The following PLS1 variants were observed in gnomAD, a reference collection of about 807,000 sequenced individuals.
PLS1 encodes the protein plastin-1.
Under a neutral mutation model 73.7 loss-of-function variants are expected in PLS1, and 32 were observed. That is an observed-to-expected ratio of 0.43 (90% CI 0.33 to 0.58). PLS1 has a LOEUF of 0.58. Ranked by LOEUF, PLS1 falls within the 20% of genes least tolerant of loss-of-function variation. The pLI is 0.04. For synonymous variants in PLS1, 217 were observed against 261.3 expected (o/e 0.83, Z 1.63); for missense variants, 633 against 740.5 (o/e 0.85, Z 1.68).
At chr3:142,699,834 A>G (rs1215294910) in intron 12 of PLS1, among the ~76,000 whole-genome samples, 2 of 152,210 alleles carry the variant, frequency 1.3e-5, no homozygotes, top group East Asian at 3.8e-4. Flanking sequence ...AAGTAGTTAA[A>G]TGGGTGGTAT....
chr3:142,600,900 ATATATATATATATATATTTTT>A (rs1367577339), intron 1 of PLS1, among the ~76,000 whole-genome samples: 3 of 29,620 alleles, frequency 1.0e-4, no homozygotes, highest in Non-Finnish European at 1.7e-4. Context: ...ATATATATAT[ATATATATATATATATATTTTT>A]TTTTTTTTTT....
Position 142,711,517 on chromosome 3 carries a change from C to T in PLS1, c.1646C>T (p.Thr549Ile). 6.3e-7 allele frequency: 1 copy of T among 1,589,640 alleles called. No homozygotes were observed. The highest frequency in any genetic ancestry group is 8.6e-7 in the Non-Finnish European group (1 of 1,159,900). Reference sequence around the variant, plus strand: ...ATTTTCTAGGATAAATCTATAAGCACAAGTTTACCTGTCCTAGATTTAATA... The same window carrying T: ...ATTTTCTAGGATAAATCTATAAGCATAAGTTTACCTGTCCTAGATTTAATA... ...ISSFKDKSIS[T>I]SLPVLDLIDA... The change falls in exon 15 of 16, where the codon ACA becomes ATA. Residue 549 changes from threonine (T) to isoleucine (I), a missense_variant. By Grantham distance (89) the Thr-to-Ile change is moderately conservative (BLOSUM62 -1). Coordinates refer to ENST00000457734, the MANE Select transcript of PLS1 (RefSeq NM_001145319.2).
intron 1 of PLS1, among the ~76,000 whole-genome samples, chr3:142,641,516 GT>G (rs1000646163): frequency 6.6e-6 from 1 of 150,950 alleles, no homozygotes; most frequent in African/African-American, 2.4e-5. Context: ...ATTCCTTTTT[GT>G]TTTAATCTCT....
chr3:142,686,235 T>C (rs2037961707), intron 8 of PLS1, 49 bp from the exon 9 acceptor site: 5 of 1,079,816 alleles, frequency 4.6e-6, no homozygotes, highest in Non-Finnish European at 7.1e-6. Context: ...CTAAATTCAA[T>C]GATGATTTTA....
intron 1 of PLS1, chr3:142,645,293 T>C (rs2036930239): frequency 1.3e-5 from 2 of 152,196 alleles, no homozygotes; most frequent in Admixed American, 1.3e-4. Context: ...TGTCTTTTAA[T>C]AGGGAAGGCC....
intron 1 of PLS1, among the ~76,000 whole-genome samples, chr3:142,661,521 T>G (rs1485597324): frequency 6.6e-6 from 1 of 152,220 alleles, no homozygotes; most frequent in Non-Finnish European, 1.5e-5. Flanking sequence ...AGATCACAAA[T>G]GAGCCATACT....
rs148259933 is a variant in PLS1, at chr3:142,615,598, G to A, written c.-37+19089G>A. 3.2e-3 allele frequency among the ~76,000 whole-genome samples: 491 copies of A among 152,194 alleles called. 1 individual carries two copies. The highest frequency in any genetic ancestry group is 0.01 in the African/African-American group (431 of 41,514). On this transcript the variant is annotated intron_variant, in intron 1 of 15. Transcript: ENST00000457734. ...TGGACCAGGATTGCAGCCTGGGCCC[G>A]TGTCCAAATGGCCTTCCTAATATCC...
intron 2 of PLS1, among the ~76,000 whole-genome samples, chr3:142,666,136 A>G (rs1299504902): frequency 1.3e-5 from 2 of 152,162 alleles, no homozygotes; most frequent in African/African-American, 4.8e-5. Context: ...GGAAGTTGAA[A>G]TATTTCTCTG....
intron 4 of PLS1, among the ~76,000 whole-genome samples, chr3:142,675,684 G>A (rs1027130540): frequency 1.4e-5 from 2 of 141,860 alleles, no homozygotes; most frequent in Non-Finnish European, 3.1e-5. Context: ...CGTGCTCCCC[G>A]TTTTTTTTTT....
chr3:142,681,931 G>C (rs779889229), intron 6 of PLS1, among the ~76,000 whole-genome samples: 1 of 152,132 alleles, frequency 6.6e-6, no homozygotes, highest in Non-Finnish European at 1.5e-5. Flanking sequence ...TGCTTGTAAA[G>C]CAAACATCTT....
At chr3:142,698,352 G>A (rs1281917595) in intron 12 of PLS1, 4 of 225,564 alleles carry the variant, frequency 1.8e-5, no homozygotes, top group East Asian at 1.1e-4. Flanking sequence ...TTGGTATAAC[G>A]TTCTGAATGT....
intron 1 of PLS1, among the ~76,000 whole-genome samples, chr3:142,630,119 GA>G (rs974942333): frequency 2.6e-5 from 4 of 151,432 alleles, no homozygotes; most frequent in African/African-American, 7.3e-5. Flanking sequence ...TACAGAAACA[GA>G]AAAAAAAATT....
intron 14 of PLS1, among the ~76,000 whole-genome samples, chr3:142,709,253 T>G (rs992743526): frequency 1.3e-5 from 2 of 152,190 alleles, no homozygotes; most frequent in Non-Finnish European, 2.9e-5. Context: ...AGATTTGCAC[T>G]TTTAACAAAT....
At chr3:142,668,856 C>T (rs570048015) in intron 2 of PLS1, among the ~76,000 whole-genome samples, 1 of 152,210 alleles carries the variant, frequency 6.6e-6, no homozygotes, top group South Asian at 2.1e-4. Context: ...CCTACCTCGG[C>T]CTCCCAAAGT....
At chr3:142,644,165 A>G (rs1042232931) in intron 1 of PLS1, among the ~76,000 whole-genome samples, 1 of 152,112 alleles carries the variant, frequency 6.6e-6, no homozygotes, top group Middle Eastern at 3.2e-3. Flanking sequence ...CCCATGGCAT[A>G]TAAACATTAA....
At position 142,712,089 on chromosome 3, in the gene PLS1, AC is replaced by A; in HGVS notation, c.*84del. The A allele has an allele frequency of 8.2e-7, 1 of 1,215,862 alleles. No homozygotes were observed. The highest frequency in any genetic ancestry group is 1.2e-6 in the Non-Finnish European group (1 of 830,956). 75.3% of individuals were successfully genotyped at this position (1,215,862 alleles called of 1,614,324 possible). A position where few individuals can be genotyped will look rare whatever the true frequency, so the allele number is the denominator to read the frequency against. ...GATTCTGAAATGTAGTGGGTGTAAA[AC>A]CAGAGATTATTTGTATGCTCAAAAT... On this transcript the variant is annotated 3_prime_UTR_variant, in exon 16 of 16. Transcript: ENST00000457734.
chr3:142,601,820 C>T (rs1244252521), intron 1 of PLS1, among the ~76,000 whole-genome samples: 1 of 152,072 alleles, frequency 6.6e-6, no homozygotes, highest in Non-Finnish European at 1.5e-5. Context: ...CCTGACCTAC[C>T]CTCATTTTCT....
chr3:142,700,300 CATT>C lies in PLS1; in HGVS notation c.1371+2249_1371+2251del, dbSNP rs559161976. On this transcript the variant is annotated intron_variant, in intron 12 of 15. Transcript: ENST00000457734. Reference sequence around the variant, plus strand: ...CACCATTAAAATAGCCTTTCTTCTTCATTATTATTATTATTATTTTATTTATTT... The same window carrying C: ...CACCATTAAAATAGCCTTTCTTCTTCATTATTATTATTATTTTATTTATTT... Among the ~76,000 whole-genome samples, 14 of 151,200 alleles carry C rather than the reference CATT, an allele frequency of 9.3e-5. No individual in the cohort carries two copies. In the South Asian group the frequency reaches 1.9e-3, roughly 20 times the overall value.
chr3:142,615,604 A>G lies in PLS1; in HGVS notation c.-37+19095A>G, dbSNP rs1481141879. Among the ~76,000 whole-genome samples, 3 of 152,154 alleles carry G rather than the reference A, an allele frequency of 2.0e-5. No homozygotes were observed. The East Asian group carries it at 5.8e-4, about 29-fold the overall frequency. On this transcript the variant is annotated intron_variant, in intron 1 of 15. Coordinates refer to ENST00000457734, the MANE Select transcript of PLS1 (RefSeq NM_001145319.2). The stretch of plus-strand genomic sequence containing the variant: ...AGGATTGCAGCCTGGGCCCGTGTCC[A>G]AATGGCCTTCCTAATATCCTTCTTC...
Sources: gnomAD v4.1 joint callset for allele counts (sites outside exome capture counted in the v4.1 genomes callset) on GRCh38, gnomAD v4.1.1 for gene constraint, MANE v1.5 for transcripts, NCBI Gene and HGNC (gene_info 2026-07-23, HGNC 2026-07-21) for gene names.